SMYD2: variants seen among roughly 807,000 people sequenced by gnomAD.
SMYD2 encodes the protein SET and MYND domain containing 2.
SMYD2 carries 53 observed loss-of-function variants against 59.1 expected under a neutral mutation model. The observed-to-expected ratio is 0.90, with a 90% confidence interval of 0.72 to 1.13. The LOEUF is 1.13. SMYD2 is among the 50% of genes most tolerant of loss of function. The pLI is 0.00. For missense variants in SMYD2, 494 were observed against 544.7 expected (o/e 0.91, Z 0.93); for synonymous variants, 208 against 198.8 (o/e 1.05, Z -0.39).
rs536956510 is a variant in SMYD2, at chr1:214,334,468, A to AG, written c.1221+166dup. Among the ~76,000 whole-genome samples, 18 of 152,038 alleles carry AG rather than the reference A, an allele frequency of 1.2e-4. No individual in the cohort carries two copies. In the South Asian group the frequency reaches 3.5e-3, roughly 30 times the overall value. ...GCAGCGGGGGTGGGTCCTGCAGGTG[A>AG]GGGGGGAGTGAGAGAGTGCACCTCT... On this transcript the variant is annotated intron_variant, in intron 11 of 11. Coordinates refer to ENST00000366957, the MANE Select transcript of SMYD2 (RefSeq NM_020197.3).
intron 1 of SMYD2, among the ~76,000 whole-genome samples, chr1:214,298,144 A>G (rs952165598): frequency 1.3e-5 from 2 of 152,178 alleles, no homozygotes; most frequent in African/African-American, 4.8e-5. Context: ...ACATTACCCA[A>G]CTTCAAATAA....
intron 2 of SMYD2, among the ~76,000 whole-genome samples, chr1:214,308,834 A>G (rs1181710803): frequency 1.3e-5 from 2 of 152,156 alleles, no homozygotes; most frequent in African/African-American, 2.4e-5. Context: ...TTTACACACT[A>G]CTTGGGGAGG....
intron 1 of SMYD2, among the ~76,000 whole-genome samples, chr1:214,294,388 C>T (rs555216112): frequency 2.9e-4 from 44 of 152,324 alleles, no homozygotes; most frequent in African/African-American, 1.1e-3. Context: ...ATTTTCCAGG[C>T]CAGGCGCGGT....
At chr1:214,320,849 A>C (rs568936973) in intron 5 of SMYD2, among the ~76,000 whole-genome samples, 2 of 152,192 alleles carry the variant, frequency 1.3e-5, no homozygotes, top group African/African-American at 4.8e-5. Context: ...TCTAATTTTC[A>C]TATTATCCTG....
chr1:214,335,226 GCCCACATC>G (rs1657416885), intron 11 of SMYD2, among the ~76,000 whole-genome samples: 1 of 152,200 alleles, frequency 6.6e-6, no homozygotes, highest in African/African-American at 2.4e-5. Flanking sequence ...ATGGAATAAG[GCCCACATC>G]CCAAATAGAA....
intron 1 of SMYD2, among the ~76,000 whole-genome samples, chr1:214,282,570 CAG>C (rs1656467839): frequency 6.6e-6 from 1 of 152,160 alleles, no homozygotes; most frequent in Admixed American, 6.5e-5. Context: ...CTTTTGAGTA[CAG>C]GTCTCAAGTC....
At chr1:214,304,902 C>T (rs1177478231) in intron 1 of SMYD2, among the ~76,000 whole-genome samples, 3 of 152,060 alleles carry the variant, frequency 2.0e-5, no homozygotes, top group Non-Finnish European at 4.4e-5. Context: ...TGTCTTTGGC[C>T]AGGTCACCAG....
chr1:214,333,078 C>T (rs1453854951), intron 10 of SMYD2: 6 of 152,276 alleles, frequency 3.9e-5, no homozygotes, highest in Non-Finnish European at 8.8e-5. Flanking sequence ...GCCCACTCCA[C>T]CCTCTACTTA....
intron 2 of SMYD2, among the ~76,000 whole-genome samples, chr1:214,313,123 A>T (rs949025667): frequency 7.3e-5 from 11 of 151,534 alleles, no homozygotes; most frequent in African/African-American, 2.4e-4. Flanking sequence ...CTGAGCATTT[A>T]TTTTTATTTT....
At chr1:214,281,903 T>C (rs2102448981) in intron 1 of SMYD2, among the ~76,000 whole-genome samples, 1 of 152,366 alleles carries the variant, frequency 6.6e-6, no homozygotes, top group Middle Eastern at 3.4e-3. Flanking sequence ...TTCCAAGGAA[T>C]TTAATGACTT....
At chr1:214,327,226 A>G (rs2102476494) in intron 6 of SMYD2, among the ~76,000 whole-genome samples, 1 of 152,368 alleles carries the variant, frequency 6.6e-6, no homozygotes, top group African/African-American at 2.4e-5. Flanking sequence ...ATAATCCACT[A>G]ATACAAAAAG....
intron 2 of SMYD2, among the ~76,000 whole-genome samples, chr1:214,313,332 A>G (rs1657029142): frequency 6.6e-6 from 1 of 151,660 alleles, no homozygotes; most frequent in African/African-American, 2.4e-5. Flanking sequence ...GGCCAGGCCA[A>G]TCATAAACTC....
chr1:214,335,877 A>T (rs1657427697), intron 11 of SMYD2, among the ~76,000 whole-genome samples: 1 of 152,228 alleles, frequency 6.6e-6, no homozygotes, highest in South Asian at 2.1e-4. Flanking sequence ...TCCCTCAATG[A>T]AACCTGCTAC....
At position 214,334,270 on chromosome 1, in the gene SMYD2, C is replaced by G. The variant is rs367808431; in HGVS notation, c.1183C>G (p.Leu395Val). The G allele has an allele frequency of 5.6e-6, 9 of 1,613,942 alleles. No homozygotes were observed. In the African/African-American group the frequency reaches 1.2e-4, roughly 22 times the overall value. ...WLKLGRLYMG[L>V]EHKAAGEKAL... ...GAAGCTAGGGAGACTCTACATGGGC[C>G]TGGAACACAAAGCCGCAGGGGAGAA... The change falls in exon 11 of 12, where the codon CTG (leucine) becomes GTG (valine). Residue 395 changes from leucine (L) to valine (V), a missense_variant. Leu to Val is a conservative substitution (Grantham distance 32). Transcript: ENST00000366957.
chr1:214,311,575 T>C (rs1407808937), intron 2 of SMYD2, among the ~76,000 whole-genome samples: 1 of 152,222 alleles, frequency 6.6e-6, no homozygotes, highest in Non-Finnish European at 1.5e-5. Context: ...GCCCTCCTGC[T>C]TGACAGCACT....
At chr1:214,320,338 G>A (rs893524903) in intron 5 of SMYD2, among the ~76,000 whole-genome samples, 4 of 152,228 alleles carry the variant, frequency 2.6e-5, no homozygotes, top group South Asian at 4.1e-4. Context: ...GTTGTCTTCC[G>A]AGTTGTGGAA....
chr1:214,334,030 C>A, intron 10 of SMYD2, 170 bp from the exon 11 acceptor site: 1 of 543,524 alleles, frequency 1.8e-6, no homozygotes, highest in Non-Finnish European at 3.4e-6. Flanking sequence ...AATGATTCGG[C>A]AGGGTGGCAG....
chr1:214,324,533 AC>A, intron 5 of SMYD2, 107 bp from the exon 6 acceptor site: 1 of 992,596 alleles, frequency 1.0e-6, no homozygotes, highest in Non-Finnish European at 1.5e-6. Flanking sequence ...AAACCACTAC[AC>A]CAAAACATCT....
At chr1:214,329,744 C>T (rs1200477939) in intron 7 of SMYD2, among the ~76,000 whole-genome samples, 2 of 152,138 alleles carry the variant, frequency 1.3e-5, no homozygotes, top group Non-Finnish European at 2.9e-5. Context: ...TGTGTGCGTG[C>T]TCATGCCCTC....
Sources: gnomAD v4.1 joint callset for allele counts (sites outside exome capture counted in the v4.1 genomes callset) on GRCh38, gnomAD v4.1.1 for gene constraint, MANE v1.5 for transcripts, NCBI Gene and HGNC (gene_info 2026-07-23, HGNC 2026-07-21) for gene names.